The following VPS13B variants were observed in gnomAD, a reference collection of about 807,000 sequenced individuals.
VPS13B encodes intermembrane lipid transfer protein VPS13B.
In VPS13B, 285 loss-of-function variants were observed where a neutral mutation model predicts 426.4. That is an observed-to-expected ratio of 0.67 (90% CI 0.61 to 0.74). The LOEUF is 0.74. Ranked by LOEUF, VPS13B falls within the 30% of genes least tolerant of loss-of-function variation. The pLI, the probability that VPS13B is intolerant of heterozygous loss-of-function variation, is 0.00. For synonymous variants in VPS13B, 1,676 were observed against 1,676.4 expected (o/e 1.00, Z 0.01); for missense variants, 4,537 against 4,782.6 (o/e 0.95, Z 1.51).
intron 25 of VPS13B, among the ~76,000 whole-genome samples, chr8:99,499,393 T>C (rs1821107602): frequency 6.6e-6 from 1 of 152,154 alleles, no homozygotes; most frequent in Non-Finnish European, 1.5e-5. Flanking sequence ...TACCAAGTAG[T>C]GTTAAAAATT....
intron 34 of VPS13B, among the ~76,000 whole-genome samples, chr8:99,653,701 C>A (rs1829912245): frequency 6.6e-6 from 1 of 152,156 alleles, no homozygotes; most frequent in Non-Finnish European, 1.5e-5. Context: ...ACACTTCCTT[C>A]TAGCAAGATA....
chr8:99,772,206 CTTT>C (rs765185137), intron 40 of VPS13B, among the ~76,000 whole-genome samples: 1 of 140,672 alleles, frequency 7.1e-6, no homozygotes, highest in Non-Finnish European at 1.6e-5. Context: ...ATTACTCTTC[CTTT>C]TTTTTTTTTT....
chr8:99,049,557 TC>T (rs936034344), intron 3 of VPS13B, among the ~76,000 whole-genome samples: 2 of 151,988 alleles, frequency 1.3e-5, no homozygotes, highest in African/African-American at 4.8e-5. Flanking sequence ...TTTTTTTTTT[TC>T]TTTAATAGGT....
At chr8:99,406,518 G>A (rs1815340433) in intron 21 of VPS13B, among the ~76,000 whole-genome samples, 1 of 152,116 alleles carries the variant, frequency 6.6e-6, no homozygotes, top group Non-Finnish European at 1.5e-5. Context: ...ATATTCAGAA[G>A]GAGTTAGCAG....
At chr8:99,265,400 G>A (rs894271308) in intron 17 of VPS13B, among the ~76,000 whole-genome samples, 1 of 152,106 alleles carries the variant, frequency 6.6e-6, no homozygotes, top group Admixed American at 6.5e-5. Flanking sequence ...AGAGAAAGCC[G>A]TCCATTTCCT....
At chr8:99,679,572 G>A (rs999441537) in intron 35 of VPS13B, among the ~76,000 whole-genome samples, 1 of 152,168 alleles carries the variant, frequency 6.6e-6, no homozygotes. Context: ...ATGAACTGCT[G>A]CTGACTTATT....
At chr8:99,281,653 A>G (rs541186231) in intron 19 of VPS13B, among the ~76,000 whole-genome samples, 17 of 152,330 alleles carry the variant, frequency 1.1e-4, no homozygotes, top group African/African-American at 3.1e-4. Context: ...TCCCTGTGCG[A>G]TAAGTAATAA....
intron 35 of VPS13B, among the ~76,000 whole-genome samples, chr8:99,668,980 A>T (rs1788151): frequency 6.6e-6 from 1 of 151,996 alleles, no homozygotes; most frequent in South Asian, 2.1e-4. Context: ...ATTCCCAACC[A>T]AGGAAAATTC....
intron 39 of VPS13B, among the ~76,000 whole-genome samples, chr8:99,753,336 A>G (rs895881852): frequency 2.6e-5 from 4 of 152,202 alleles, no homozygotes; most frequent in African/African-American, 7.2e-5. Flanking sequence ...CTAGTTAGCA[A>G]GTAAATGTAG....
chr8:99,212,777 A>G (rs1815165956), intron 17 of VPS13B, among the ~76,000 whole-genome samples: 1 of 151,514 alleles, frequency 6.6e-6, no homozygotes, highest in African/African-American at 2.5e-5. Flanking sequence ...AAAGGTCCTT[A>G]TGATATGATT....
chr8:99,631,498 T>C (rs1236366267), intron 33 of VPS13B, among the ~76,000 whole-genome samples: 1 of 152,102 alleles, frequency 6.6e-6, no homozygotes, highest in Admixed American at 6.6e-5. Flanking sequence ...TGGTCATTTA[T>C]GATTCTTAGC....
At chr8:99,502,675 A>G (rs779622750) in intron 26 of VPS13B, among the ~76,000 whole-genome samples, 161 bp from the exon 27 acceptor site, 1 of 152,220 alleles carries the variant, frequency 6.6e-6, no homozygotes, top group South Asian at 2.1e-4. Context: ...TTATCTTAAT[A>G]AACAGGCCTA....
chr8:99,627,870 G>A lies in VPS13B; in HGVS notation c.5221-13941G>A, dbSNP rs947708106. 3.3e-5 allele frequency among the ~76,000 whole-genome samples: 5 copies of A among 152,128 alleles called. No homozygotes were observed. The East Asian group carries it at 9.6e-4, about 29-fold the overall frequency. On this transcript the variant is annotated intron_variant, in intron 33 of 61. Transcript: ENST00000357162. ...ATATGCATTATACAGTTGTTCTGTG[G>A]CAACTTTGCTTTTATATGTTTTACA...
In VPS13B at chr8:99,291,754, A is replaced by C. The variant is rs545510857; in HGVS notation, c.2824+16500A>C. 3.9e-5 allele frequency among the ~76,000 whole-genome samples: 6 copies of C among 152,284 alleles called. No homozygotes were observed. The South Asian group carries it at 1.2e-3, about 32-fold the overall frequency. On this transcript the variant is annotated intron_variant, in intron 19 of 61. Transcript: ENST00000357162. The stretch of plus-strand genomic sequence containing the variant: ...AGGATTGATATTTAAGCCTTGAGTG[A>C]TAAAGGATTGCACATGAGTGGAAAA...
At chr8:99,033,181 T>G (rs567677576) in intron 2 of VPS13B, among the ~76,000 whole-genome samples, 1 of 152,358 alleles carries the variant, frequency 6.6e-6, no homozygotes, top group East Asian at 1.9e-4. Flanking sequence ...TGCTACTTCC[T>G]TTCAGCCTAA....
chr8:99,148,467 A>C (rs1343188500), intron 14 of VPS13B, among the ~76,000 whole-genome samples: 4 of 152,120 alleles, frequency 2.6e-5, no homozygotes, highest in Admixed American at 2.0e-4. Context: ...TTAATTTTTA[A>C]AATGTAATTT....
intron 19 of VPS13B, among the ~76,000 whole-genome samples, chr8:99,333,500 CT>C (rs1436355762): frequency 6.6e-6 from 1 of 151,746 alleles, no homozygotes; most frequent in Non-Finnish European, 1.5e-5. Flanking sequence ...CAGATTTCCC[CT>C]GCTTTACTGG....
intron 3 of VPS13B, among the ~76,000 whole-genome samples, chr8:99,059,604 T>A (rs1432077186): frequency 2.0e-5 from 3 of 152,122 alleles, no homozygotes; most frequent in Admixed American, 1.3e-4. Flanking sequence ...CTAGAAACAA[T>A]CTCCTACAGA....
chr8:99,861,886 C>A lies in VPS13B; in HGVS notation c.11155C>A (p.Pro3719Thr). The A allele has an allele frequency of 6.3e-7, 1 of 1,596,398 alleles. No homozygotes were observed. Among genetic ancestry groups the A allele is most frequent in the South Asian group, 1.1e-5 (1 of 88,118 alleles). ...NRQEEWRRQL[P>T]ESLGEGLRQG... The stretch of plus-strand genomic sequence containing the variant: ...GCAGGAGGAGTGGCGGCGGCAGCTC[C>A]CCGAGAGCCTGGGCGAGGGGCTTCG... Residue 3719 changes from proline to threonine, a missense_variant, in exon 58 of 62, where the codon CCC (proline) becomes ACC (threonine). By Grantham distance (38) the Pro-to-Thr change is conservative. This residue lies in a region of VPS13B where 4,311 missense variants were observed against 4,474.3 expected (regional missense o/e 0.96). Transcript: ENST00000357162.
Sources: gnomAD v4.1 joint callset for allele counts (sites outside exome capture counted in the v4.1 genomes callset) on GRCh38, gnomAD v4.1.1 for gene constraint, gnomAD v4.1.1 regional missense constraint, MANE v1.5 for transcripts, NCBI Gene and HGNC (gene_info 2026-07-23, HGNC 2026-07-21) for gene names.